GOLGA7B: variants seen among roughly 807,000 people sequenced by gnomAD.
GOLGA7B encodes golgin A7 family member B.
In GOLGA7B, 17 loss-of-function variants were observed where a neutral mutation model predicts 21.5. That is an observed-to-expected ratio of 0.79 (90% CI 0.54 to 1.19). The LOEUF is 1.19. GOLGA7B is among the 50% of genes most tolerant of loss of function. The pLI is 0.00. For synonymous variants in GOLGA7B, 87 were observed against 84.0 expected (o/e 1.04, Z -0.19); for missense variants, 169 against 224.4 (o/e 0.75, Z 1.58).
At chr10:97,852,552 T>C (rs1364455412) in intron 1 of GOLGA7B, among the ~76,000 whole-genome samples, 1 of 152,178 alleles carries the variant, frequency 6.6e-6, no homozygotes, top group African/African-American at 2.4e-5. Context: ...AAGGCTGTTT[T>C]TACTGTTAGA....
intron 4 of GOLGA7B, 141 bp downstream of exon 4, chr10:97,864,410 C>A: frequency 1.6e-6 from 1 of 640,110 alleles, no homozygotes; most frequent in Admixed American, 2.8e-5. Context: ...GGTCCTCAGC[C>A]CTCCTCCACC....
In GOLGA7B at chr10:97,869,811, C is replaced by A. The variant is rs973769266; in HGVS notation, c.*4111C>A. 6.6e-6 allele frequency: 1 copy of A among 152,268 alleles called. No homozygotes were observed. Among genetic ancestry groups the A allele is most frequent in the Admixed American group, 6.5e-5 (1 of 15,284 alleles). 9.4% of individuals were successfully genotyped at this position (152,268 alleles called of 1,614,324 possible). A position where few individuals can be genotyped will look rare whatever the true frequency, so the allele number is the denominator to read the frequency against. Reference sequence around the variant, plus strand: ...CTGGTGACTTTCTCCCTAGGGCCAGCCCCTGGGCTGTCGAGCCTGGGAAAC... The same window carrying A: ...CTGGTGACTTTCTCCCTAGGGCCAGACCCTGGGCTGTCGAGCCTGGGAAAC... On this transcript the variant is annotated 3_prime_UTR_variant, in exon 5 of 5. Transcript: ENST00000370602.
intron 1 of GOLGA7B, 76 bp downstream of exon 1, chr10:97,850,391 G>T: frequency 7.7e-7 from 1 of 1,293,280 alleles, no homozygotes; most frequent in Non-Finnish European, 1.1e-6. Flanking sequence ...GGCTGGGCAG[G>T]AGTGGGAGGC....
chr10:97,861,853 T>C (rs2049972949), intron 2 of GOLGA7B, among the ~76,000 whole-genome samples: 1 of 152,224 alleles, frequency 6.6e-6, no homozygotes, highest in African/African-American at 2.4e-5. Context: ...GCTTGTGGCA[T>C]GGACTAGATG....
chr10:97,852,707 G>A (rs966385652), intron 1 of GOLGA7B, among the ~76,000 whole-genome samples: 4 of 151,912 alleles, frequency 2.6e-5, no homozygotes, highest in Non-Finnish European at 5.9e-5. Flanking sequence ...GGAGAGGAAG[G>A]GGGTGGGGAG....
chr10:97,865,783 G>C lies in GOLGA7B; in HGVS notation c.*83G>C. 1 of 1,461,812 alleles carries C rather than the reference G, an allele frequency of 6.8e-7. No homozygotes were observed. The highest frequency in any genetic ancestry group is 9.1e-7 in the Non-Finnish European group (1 of 1,104,580). The allele number at this position is 1,461,812 out of a possible 1,614,324, so 90.6% of individuals were successfully genotyped here. ...CGGCGGCTGCGCTACCAGAGCACCC[G>C]CTTCTGAGTCATTCTTTGGGCTCAC... On this transcript the variant is annotated 3_prime_UTR_variant, in exon 5 of 5. Transcript: ENST00000370602.
At chr10:97,854,351 C>T (rs2049922442) in intron 1 of GOLGA7B, among the ~76,000 whole-genome samples, 1 of 151,652 alleles carries the variant, frequency 6.6e-6, no homozygotes, top group Non-Finnish European at 1.5e-5. Context: ...AGGTCTCCTG[C>T]CCCCAGGTCA....
chr10:97,865,678 G>T lies in GOLGA7B; in HGVS notation c.482G>T (p.Gly161Val). The change falls in exon 5 of 5, where the codon GGT becomes GTT. Residue 161 changes from glycine (G) to valine (V), a missense_variant. Coordinates refer to ENST00000370602, the MANE Select transcript of GOLGA7B (RefSeq NM_001010917.3). ...SSGSGSSSGG[G>V]GGAGAR ...GGCAGTGGCAGCAGCAGCGGTGGGGGTGGTGGGGCGGGGGCCCGGTGACTG... is the reference window on the plus strand; with the variant it reads ...GGCAGTGGCAGCAGCAGCGGTGGGGTTGGTGGGGCGGGGGCCCGGTGACTG... The T allele has an allele frequency of 6.2e-7, 1 of 1,608,248 alleles. No homozygotes were observed. Among genetic ancestry groups the T allele is most frequent in the African/African-American group, 1.3e-5 (1 of 74,936 alleles).
At position 97,867,839 on chromosome 10, in the gene GOLGA7B, A is replaced by G. The variant is rs765361515; in HGVS notation, c.*2139A>G. ...GGGGATACTCAGCTGCCTGAACTGG[A>G]CCTGACATGGGGAGCAGGATGAACT... is the stretch of plus-strand genomic sequence containing the variant. On this transcript the variant is annotated 3_prime_UTR_variant, in exon 5 of 5. Coordinates refer to ENST00000370602, the MANE Select transcript of GOLGA7B (RefSeq NM_001010917.3). 2 of 152,092 alleles carry G rather than the reference A, an allele frequency of 1.3e-5. No individual in the cohort carries two copies. The highest frequency in any genetic ancestry group is 2.9e-5 in the Non-Finnish European group (2 of 68,046). 9.4% of individuals were successfully genotyped at this position (152,092 alleles called of 1,614,324 possible).
rs1468109322 is a variant in GOLGA7B at position 97,870,207 on chromosome 10, TC to T, written c.*4510del. 1 of 152,188 alleles carries T rather than the reference TC, an allele frequency of 6.6e-6. No individual in the cohort carries two copies. The highest frequency in any genetic ancestry group is 2.4e-5 in the African/African-American group (1 of 41,432). The allele number at this position is 152,188 out of a possible 1,614,324, so 9.4% of individuals were successfully genotyped here. A position where few individuals can be genotyped will look rare whatever the true frequency, so the allele number is the denominator to read the frequency against. The stretch of plus-strand genomic sequence containing the variant: ...TTGGGCATCAGGATTTTAAAGAGTT[TC>T]CCTGGTGATTTTAATGTGAAGGTAA... On this transcript the variant is annotated 3_prime_UTR_variant, in exon 5 of 5. Coordinates refer to ENST00000370602, the MANE Select transcript of GOLGA7B (RefSeq NM_001010917.3).
chr10:97,852,145 T>C (rs1263943877), intron 1 of GOLGA7B, among the ~76,000 whole-genome samples: 1 of 152,248 alleles, frequency 6.6e-6, no homozygotes, highest in Non-Finnish European at 1.5e-5. Flanking sequence ...CAGGAAAATA[T>C]GGCTAAAAGG....
chr10:97,862,745 G>A (rs969040631), intron 2 of GOLGA7B, among the ~76,000 whole-genome samples: 12 of 152,076 alleles, frequency 7.9e-5, no homozygotes. Flanking sequence ...CCTCACTCAG[G>A]AGGTAACAAA....
In GOLGA7B at chr10:97,850,334, C is replaced by G. The variant is rs1401251153; in HGVS notation, c.12+19C>G. The G allele has an allele frequency of 2.0e-6, 3 of 1,512,462 alleles. No individual in the cohort carries two copies. In the Admixed American group the frequency reaches 6.2e-5, roughly 31 times the overall value. 93.7% of individuals were successfully genotyped at this position (1,512,462 alleles called of 1,614,324 possible). A position where few individuals can be genotyped will look rare whatever the true frequency, so the allele number is the denominator to read the frequency against. On this transcript the variant is annotated intron_variant, in intron 1 of 4. Coordinates refer to ENST00000370602, the MANE Select transcript of GOLGA7B (RefSeq NM_001010917.3). ...CACCGAGGTAGGGGCGAGCGCCCCA[C>G]CCGCAGGCAGTGCCCGATTGCCGCG...
chr10:97,857,362 GAC>G (rs60908270), intron 1 of GOLGA7B, among the ~76,000 whole-genome samples: 7,238 of 135,336 alleles, frequency 0.053, 207 homozygotes, highest in Middle Eastern at 0.11. Flanking sequence ...ACAATAGCCA[GAC>G]ACACACACAC....
At chr10:97,862,823 CA>C (rs1352198156) in intron 2 of GOLGA7B, among the ~76,000 whole-genome samples, 1 of 151,962 alleles carries the variant, frequency 6.6e-6, no homozygotes, top group African/African-American at 2.4e-5. Context: ...TGATCCTGGG[CA>C]CAGGGGGAGG....
In GOLGA7B at chr10:97,864,181, T is replaced by C. The variant is rs2049993027; in HGVS notation, c.305T>C (p.Ile102Thr). ...CTCTTTTTGCAGGTTCTCAAGAAGA[T>C]TTCCCGCTACATCCAGGAGCAGAAT... is the stretch of plus-strand genomic sequence containing the variant. The part of the protein sequence containing the change: ...ETHYEKVLKK[I>T]SRYIQEQNEK... The change falls in exon 4 of 5, where the codon ATT (isoleucine) becomes ACT (threonine). Residue 102 changes from isoleucine (I) to threonine (T), a missense_variant. Physicochemically the swap from Ile to Thr is moderately conservative, Grantham distance 89. Coordinates refer to ENST00000370602, the MANE Select transcript of GOLGA7B (RefSeq NM_001010917.3). 1 of 1,614,090 alleles carries C rather than the reference T, an allele frequency of 6.2e-7. No individual in the cohort carries two copies. The highest frequency in any genetic ancestry group is 1.3e-5 in the African/African-American group (1 of 74,926).
chr10:97,865,627 G>A lies in GOLGA7B; in HGVS notation c.431G>A (p.Gly144Asp), dbSNP rs770107830. The A allele has an allele frequency of 6.2e-7, 1 of 1,612,976 alleles. No homozygotes were observed. The highest frequency in any genetic ancestry group is 1.1e-5 in the South Asian group (1 of 90,964). ...ISIYEDRCSS[G>D]SSSSGSSSGS... is the part of the protein sequence containing the mutation. Reference sequence around the variant, plus strand: ...ATCTACGAGGACCGGTGCAGCAGTGGCAGCTCCAGCAGCGGCAGCAGCAGC... The same window carrying A: ...ATCTACGAGGACCGGTGCAGCAGTGACAGCTCCAGCAGCGGCAGCAGCAGC... Residue 144 changes from glycine to aspartate, a missense_variant, in exon 5 of 5, where the codon GGC becomes GAC. Coordinates refer to ENST00000370602, the MANE Select transcript of GOLGA7B (RefSeq NM_001010917.3).
At position 97,865,582 on chromosome 10, in the gene GOLGA7B, G is replaced by A. The variant is rs1048452043; in HGVS notation, c.394-8G>A. 9 of 1,612,556 alleles carry A rather than the reference G, an allele frequency of 5.6e-6. No homozygotes were observed. Among genetic ancestry groups the A allele is most frequent in the Non-Finnish European group, 7.6e-6 (9 of 1,178,890 alleles). On this transcript the variant is annotated splice_polypyrimidine_tract_variant and splice_region_variant and intron_variant, in intron 4 of 4. Transcript: ENST00000370602. Reference sequence around the variant, plus strand: ...GGGCTCGCAGCTCTCCTTAACCACCGACCCCAGATTGAGATCTCCATCTAC... The same window carrying A: ...GGGCTCGCAGCTCTCCTTAACCACCAACCCCAGATTGAGATCTCCATCTAC...
intron 1 of GOLGA7B, 35 bp downstream of exon 1, chr10:97,850,350 G>C: frequency 6.6e-7 from 1 of 1,507,226 alleles, no homozygotes; most frequent in South Asian, 1.2e-5. Context: ...GGCAGTGCCC[G>C]ATTGCCGCGG....
Sources: gnomAD v4.1 joint callset for allele counts (sites outside exome capture counted in the v4.1 genomes callset) on GRCh38, gnomAD v4.1.1 for gene constraint, MANE v1.5 for transcripts, NCBI Gene and HGNC (gene_info 2026-07-23, HGNC 2026-07-21) for gene names.